Variants in FMN2 observed in about 807,000 individuals in gnomAD.
FMN2 encodes the protein formin 2, also known as formin-2.
In FMN2, 51 loss-of-function variants were observed where a neutral mutation model predicts 142.3. The ratio of observed to expected loss-of-function variants is 0.36; its 90% confidence interval spans 0.29 to 0.45. The LOEUF is 0.45. Ranked by LOEUF, FMN2 falls within the 20% of genes least tolerant of loss-of-function variation. The pLI, the probability that FMN2 is intolerant of heterozygous loss-of-function variation, is 1.00. For synonymous variants in FMN2, 882 were observed against 869.8 expected (o/e 1.01, Z -0.25); for missense variants, 1,936 against 2,122.8 (o/e 0.91, Z 1.73).
At chr1:240,186,781 G>A (rs562596113) in intron 3 of FMN2, among the ~76,000 whole-genome samples, 53 of 152,298 alleles carry the variant, frequency 3.5e-4, no homozygotes, top group Non-Finnish European at 6.2e-4. Context: ...AGGCTAGGGA[G>A]TAACAGTAGT....
chr1:240,250,504 T>C (rs1016930999), intron 6 of FMN2, among the ~76,000 whole-genome samples: 5 of 152,182 alleles, frequency 3.3e-5, no homozygotes, highest in Non-Finnish European at 7.4e-5. Flanking sequence ...TTGTTAAGGA[T>C]TTTTGCATCT....
intron 4 of FMN2, among the ~76,000 whole-genome samples, chr1:240,189,522 A>G (rs1383305819): frequency 2.0e-5 from 3 of 152,242 alleles, no homozygotes; most frequent in Non-Finnish European, 4.4e-5. Context: ...TCCCTTTAGA[A>G]AAGAATCCCT....
At chr1:240,268,952 A>T (rs1668902702) in intron 7 of FMN2, among the ~76,000 whole-genome samples, 1 of 151,996 alleles carries the variant, frequency 6.6e-6, no homozygotes. Flanking sequence ...TATATTAGAT[A>T]TTAGCCCCTA....
At chr1:240,426,155 T>C (rs778311488) in intron 15 of FMN2, among the ~76,000 whole-genome samples, 2 of 152,238 alleles carry the variant, frequency 1.3e-5, no homozygotes, top group Admixed American at 6.5e-5. Flanking sequence ...TATTTTAGGA[T>C]AATTACTAGC....
intron 15 of FMN2, among the ~76,000 whole-genome samples, chr1:240,430,656 T>A (rs1300412341): frequency 3.3e-5 from 5 of 151,788 alleles, no homozygotes; most frequent in East Asian, 1.9e-4. Context: ...TATTTTTTTT[T>A]ATTGGAGTAA....
chr1:240,471,068 A>G (rs1176407227), intron 16 of FMN2, among the ~76,000 whole-genome samples: 1 of 152,236 alleles, frequency 6.6e-6, no homozygotes, highest in Non-Finnish European at 1.5e-5. Context: ...GTCAAATAGC[A>G]GAGCCAGAAC....
chr1:240,245,613 C>G (rs1558390655), intron 6 of FMN2: 2 of 471,010 alleles, frequency 4.2e-6, no homozygotes, highest in Non-Finnish European at 8.8e-6. Context: ...ACCCTACTGC[C>G]TAGCACAATG....
chr1:240,178,447 C>CT (rs563401571), intron 3 of FMN2, among the ~76,000 whole-genome samples: 1,699 of 91,372 alleles, frequency 0.019, 23 homozygotes, highest in African/African-American at 0.054. Context: ...TCTTCTTCTT[C>CT]TTTTTTTTTT....
intron 3 of FMN2, chr1:240,180,130 G>T: frequency 8.0e-7 from 1 of 1,245,806 alleles, no homozygotes; most frequent in South Asian, 1.3e-5. Context: ...GATTTTTAAT[G>T]AAATAACTTG....
intron 8 of FMN2, among the ~76,000 whole-genome samples, chr1:240,318,605 T>C (rs1670868683): frequency 1.3e-5 from 2 of 152,232 alleles, no homozygotes; most frequent in Admixed American, 1.3e-4. Flanking sequence ...TGTACCATTA[T>C]GTCCAGGTAT....
chr1:240,310,616 T>C (rs566895051), intron 8 of FMN2, among the ~76,000 whole-genome samples: 1 of 152,330 alleles, frequency 6.6e-6, no homozygotes, highest in South Asian at 2.1e-4. Context: ...GGTTATTGAC[T>C]GTCATTAAGT....
Position 240,329,091 on chromosome 1 carries a change from G to A in FMN2, c.4231G>A (p.Glu1411Lys), listed in dbSNP as rs779310703. The A allele has an allele frequency of 3.7e-6, 6 of 1,613,842 alleles. No homozygotes were observed. The highest frequency in any genetic ancestry group is 2.7e-5 in the African/African-American group (2 of 74,888). The change falls in exon 9 of 18, where the codon GAA becomes AAA. Residue 1411 changes from glutamate to lysine, a missense_variant. Transcript: ENST00000319653. ...GTTTTTCTAGAGAGCACAGTCAGAC[G>A]AACTCGAAAAAATAGAAAAGCATGG... Reference protein sequence around the residue: ...ALYENRAQSDELEKIEKHGRS... With the variant: ...ALYENRAQSDKLEKIEKHGRS...
rs113138536 is a variant in FMN2 at position 240,449,406 on chromosome 1, C to T, written c.5060+11196C>T. On this transcript the variant is annotated intron_variant, in intron 16 of 17. Coordinates refer to ENST00000319653, the MANE Select transcript of FMN2 (RefSeq NM_020066.5). ...CAAGGTTGGCCTTAGAAACTTGAAC[C>T]GTGGGCAGCTGCTAGGTCATGAGAA... 5.3e-5 allele frequency among the ~76,000 whole-genome samples: 8 copies of T among 152,190 alleles called. 1 individual carries two copies. The highest frequency in any genetic ancestry group is 5.9e-5 in the Non-Finnish European group (4 of 68,016).
intron 16 of FMN2, among the ~76,000 whole-genome samples, chr1:240,446,647 G>A (rs1675826499): frequency 1.3e-5 from 2 of 152,074 alleles, no homozygotes; most frequent in Non-Finnish European, 2.9e-5. Context: ...AATTTCTTTA[G>A]GATACTTTCA....
chr1:240,245,997 G>A (rs1668069085), intron 6 of FMN2, among the ~76,000 whole-genome samples: 1 of 152,022 alleles, frequency 6.6e-6, no homozygotes. Context: ...TGGCTAACAT[G>A]GTGAAACCCT....
Position 240,092,475 on chromosome 1 carries a change from C to T in FMN2, c.366C>T (p.Ser122=). ...TGCTCACCAAGACTCCAGACCTCAGCCTCTCGGCGGACGAGGCCGGCCTGT... is the reference window on the plus strand; with the variant it reads ...TGCTCACCAAGACTCCAGACCTCAGTCTCTCGGCGGACGAGGCCGGCCTGT... The part of the protein sequence containing the change: ...HSLLTKTPDL[S]LSADEAGLSD... The change falls in exon 1 of 18, where the codon AGC becomes AGT. Residue 122 remains serine (S), a synonymous_variant. Transcript: ENST00000319653. 1 of 1,608,832 alleles carries T rather than the reference C, an allele frequency of 6.2e-7. No individual in the cohort carries two copies. Among genetic ancestry groups the T allele is most frequent in the Non-Finnish European group, 8.5e-7 (1 of 1,177,670 alleles).
intron 13 of FMN2, among the ~76,000 whole-genome samples, chr1:240,341,712 A>C (rs1446817242): frequency 6.6e-6 from 1 of 152,040 alleles, no homozygotes; most frequent in South Asian, 2.1e-4. Flanking sequence ...ATTTTTTTTC[A>C]ATTGCTTTAA....
chr1:240,321,800 G>A (rs190384756), intron 8 of FMN2, among the ~76,000 whole-genome samples: 1 of 152,132 alleles, frequency 6.6e-6, no homozygotes. Context: ...TAAACATTGC[G>A]ACTCCTCTAA....
intron 16 of FMN2, among the ~76,000 whole-genome samples, chr1:240,465,983 C>T (rs114313879): frequency 1.4e-4 from 22 of 152,184 alleles, no homozygotes; most frequent in Non-Finnish European, 2.8e-4. Context: ...TCTGGGGTTA[C>T]GTAGGGAGAG....
Sources: gnomAD v4.1 joint callset for allele counts (sites outside exome capture counted in the v4.1 genomes callset) on GRCh38, gnomAD v4.1.1 for gene constraint, MANE v1.5 for transcripts, NCBI Gene and HGNC (gene_info 2026-07-23, HGNC 2026-07-21) for gene names.